The following HPSE2 variants were observed in gnomAD, a reference collection of about 807,000 sequenced individuals.
HPSE2 encodes heparanase 2 (inactive).
In HPSE2, 38 loss-of-function variants were observed where a neutral mutation model predicts 60.5. The ratio of observed to expected loss-of-function variants is 0.63; its 90% CI spans 0.48 to 0.82. The LOEUF is 0.82. HPSE2 is among the 40% of genes least tolerant of loss of function. HPSE2 has a pLI of 0.00. For synonymous variants in HPSE2, 295 were observed against 293.2 expected, an observed-to-expected ratio of 1.01 and a Z score of -0.06; for missense variants, 713 against 740.4, an observed-to-expected ratio of 0.96 and a Z score of 0.43.
intron 7 of HPSE2, among the ~76,000 whole-genome samples, chr10:98,637,727 C>T (rs1419524112): frequency 6.6e-6 from 1 of 152,136 alleles, no homozygotes; most frequent in African/African-American, 2.4e-5. Flanking sequence ...AAAAATCTGC[C>T]CCTTTTCTAC....
At chr10:98,726,192 T>A (rs1177685819) in intron 4 of HPSE2, among the ~76,000 whole-genome samples, 2 of 152,146 alleles carry the variant, frequency 1.3e-5, no homozygotes, top group Non-Finnish European at 2.9e-5. Context: ...ACACGTATGT[T>A]TATTGTGGCA....
chr10:99,173,135 C>T (rs985723795), intron 2 of HPSE2, among the ~76,000 whole-genome samples: 8 of 152,056 alleles, frequency 5.3e-5, no homozygotes, highest in African/African-American at 1.9e-4. Context: ...TGTAAGTGCC[C>T]TTGTGGTTTG....
chr10:99,123,152 TAA>T (rs954149382), intron 3 of HPSE2, among the ~76,000 whole-genome samples: 2 of 151,988 alleles, frequency 1.3e-5, no homozygotes, highest in African/African-American at 4.8e-5. Context: ...AGCTCTAAAT[TAA>T]AAACAGTCAA....
At chr10:99,121,963 A>G (rs1238115813) in intron 3 of HPSE2, among the ~76,000 whole-genome samples, 2 of 152,120 alleles carry the variant, frequency 1.3e-5, no homozygotes, top group South Asian at 2.1e-4. Flanking sequence ...ATATGATCCT[A>G]TACTTATTGC....
chr10:98,675,134 T>C (rs1947603524), intron 6 of HPSE2, among the ~76,000 whole-genome samples: 1 of 152,182 alleles, frequency 6.6e-6, no homozygotes, highest in African/African-American at 2.4e-5. Context: ...GGAACTGTTA[T>C]GACACCTAAA....
intron 9 of HPSE2, among the ~76,000 whole-genome samples, chr10:98,597,545 CCTG>C (rs1256628581): frequency 6.6e-6 from 1 of 151,662 alleles, no homozygotes; most frequent in African/African-American, 2.4e-5. Context: ...GTGGCATGTG[CCTG>C]TAGTCCCAGC....
intron 3 of HPSE2, among the ~76,000 whole-genome samples, chr10:98,906,797 G>T (rs926390279): frequency 6.6e-6 from 1 of 151,946 alleles, no homozygotes; most frequent in African/African-American, 2.4e-5. Flanking sequence ...CCAGCTACTT[G>T]GGAGGCTGAG....
Position 99,052,531 on chromosome 10 carries a change from A to G in HPSE2, c.610+91707T>C, listed in dbSNP as rs569872889. Among the ~76,000 whole-genome samples, 5 of 152,236 alleles carry G rather than the reference A, an allele frequency of 3.3e-5. No individual in the cohort carries two copies. The South Asian group carries it at 6.2e-4, about 19-fold the overall frequency. On this transcript the variant is annotated intron_variant, in intron 3 of 11. Transcript: ENST00000370552. Reference sequence around the variant, plus strand: ...AAAAAAAATGGATGAAAACTTCCCAAATTTGATTTAAAAACATTGACTTTT... The same window carrying G: ...AAAAAAAATGGATGAAAACTTCCCAGATTTGATTTAAAAACATTGACTTTT...
chr10:98,524,256 C>T (rs964140470), intron 9 of HPSE2, among the ~76,000 whole-genome samples: 21 of 152,162 alleles, frequency 1.4e-4, no homozygotes, highest in Admixed American at 1.2e-3. Context: ...GCACAATATG[C>T]GTGTCCAAAG....
chr10:98,862,907 T>G (rs1001611943), intron 3 of HPSE2, among the ~76,000 whole-genome samples: 4 of 152,164 alleles, frequency 2.6e-5, no homozygotes, highest in Non-Finnish European at 5.9e-5. Flanking sequence ...ACTGTGGGCA[T>G]GTACCACTGT....
At chr10:98,986,640 A>G (rs895832899) in intron 3 of HPSE2, among the ~76,000 whole-genome samples, 50 of 140,648 alleles carry the variant, frequency 3.6e-4, no homozygotes, top group African/African-American at 1.2e-3. Flanking sequence ...AATAACTAAG[A>G]TCAGAGCAGA....
chr10:98,615,420 C>A (rs557379592), intron 8 of HPSE2, among the ~76,000 whole-genome samples: 1 of 152,314 alleles, frequency 6.6e-6, no homozygotes, highest in East Asian at 1.9e-4. Flanking sequence ...CCCTCAAACT[C>A]CCCTGCTTAT....
chr10:99,292,741 T>G, the HPSE2 span, among the ~76,000 whole-genome samples: 2 of 152,190 alleles, frequency 1.3e-5, no homozygotes, highest in Non-Finnish European at 2.9e-5. Context: ...ATTTTACATT[T>G]TACATTCTTT....
At chr10:98,814,361 G>C (rs1951237419) in intron 3 of HPSE2, among the ~76,000 whole-genome samples, 1 of 152,040 alleles carries the variant, frequency 6.6e-6, no homozygotes, top group African/African-American at 2.4e-5. Context: ...AGATTATACA[G>C]AGCCAATCTC....
chr10:99,011,298 A>T (rs117740640), intron 3 of HPSE2, among the ~76,000 whole-genome samples: 1 of 152,248 alleles, frequency 6.6e-6, no homozygotes, highest in East Asian at 1.9e-4. Context: ...GATATTGAGT[A>T]TTTCACATTT....
chr10:99,120,495 CAG>C (rs1259987430), intron 3 of HPSE2, among the ~76,000 whole-genome samples: 3 of 148,178 alleles, frequency 2.0e-5, no homozygotes, highest in Non-Finnish European at 3.0e-5. Flanking sequence ...TTTTTTGAGA[CAG>C]AGTTTCACTC....
At chr10:98,726,491 A>T (rs549766680) in intron 4 of HPSE2, among the ~76,000 whole-genome samples, 1,826 of 30,290 alleles carry the variant, frequency 0.06, 27 homozygotes, top group African/African-American at 0.11. Context: ...GTTGTGGGGC[A>T]GGGGGAGGGG....
chr10:99,112,289 G>C (rs1027911078), intron 3 of HPSE2, among the ~76,000 whole-genome samples: 4 of 152,112 alleles, frequency 2.6e-5, no homozygotes, highest in African/African-American at 9.7e-5. Flanking sequence ...ACCCAGGCTG[G>C]AGTACAGTGG....
intron 3 of HPSE2, among the ~76,000 whole-genome samples, chr10:99,122,617 A>C (rs1290710701): frequency 2.3e-5 from 1 of 44,110 alleles, no homozygotes; most frequent in Admixed American, 2.6e-4. Context: ...TAAGAATAGA[A>C]AGAAAATTCT....
Sources: gnomAD v4.1 joint callset for allele counts (sites outside exome capture counted in the v4.1 genomes callset) on GRCh38, gnomAD v4.1.1 for gene constraint, MANE v1.5 for transcripts, NCBI Gene and HGNC (gene_info 2026-07-23, HGNC 2026-07-21) for gene names.